Variants in RNF157 observed in about 807,000 individuals in gnomAD.
RNF157 encodes the protein ring finger protein 157, also known as E3 ubiquitin ligase RNF157.
RNF157 carries 55 observed loss-of-function variants against 88.3 expected under a neutral mutation model. The observed-to-expected ratio is 0.62, with a 90% confidence interval of 0.50 to 0.78. The LOEUF (loss-of-function observed/expected upper bound fraction) is 0.78, where lower values mean the gene tolerates loss of function less well. Ranked by LOEUF, RNF157 falls within the 30% of genes least tolerant of loss-of-function variation. The pLI is 0.00. For missense variants in RNF157, 788 were observed against 860.8 expected (o/e 0.92, Z 1.06); for synonymous variants, 334 against 341.2 (o/e 0.98, Z 0.23).
intron 2 of RNF157, among the ~76,000 whole-genome samples, chr17:76,199,497 T>G (rs1423114090): frequency 1.4e-5 from 2 of 143,256 alleles, no homozygotes; most frequent in African/African-American, 5.3e-5. Context: ...CAAGTGATCC[T>G]CCCACTTTGG....
At chr17:76,234,365 TTTC>T (rs1218059821) in intron 1 of RNF157, among the ~76,000 whole-genome samples, 1 of 152,184 alleles carries the variant, frequency 6.6e-6, no homozygotes, top group Non-Finnish European at 1.5e-5. Context: ...GTGAATGTAT[TTTC>T]TTCATTTTTC....
chr17:76,228,097 G>A (rs1373766153), intron 1 of RNF157, among the ~76,000 whole-genome samples: 3 of 151,708 alleles, frequency 2.0e-5, no homozygotes, highest in Non-Finnish European at 4.4e-5. Context: ...TTTCTAAAAA[G>A]AAATAAAAAA....
At chr17:76,205,723 CTAAATAAA>C (rs35839727) in intron 2 of RNF157, among the ~76,000 whole-genome samples, 12,141 of 146,758 alleles carry the variant, frequency 0.083, 1,060 homozygotes, top group African/African-American at 0.22. Flanking sequence ...GACTCCATCT[CTAAATAAA>C]TAAATAAATA....
intron 2 of RNF157, among the ~76,000 whole-genome samples, chr17:76,204,595 A>C (rs1451908682): frequency 6.6e-6 from 1 of 152,184 alleles, no homozygotes. Context: ...AAGCTCTATA[A>C]GTGCAAAACT....
intron 6 of RNF157, 85 bp downstream of exon 6, chr17:76,166,376 T>C: frequency 2.7e-6 from 3 of 1,106,820 alleles, no homozygotes; most frequent in Non-Finnish European, 2.8e-6. Flanking sequence ...AAAGAAGGCA[T>C]GTTGTTCTGG....
In RNF157 at chr17:76,203,612, C is replaced by G. The variant is rs370047752; in HGVS notation, c.207+8752G>C. Among the ~76,000 whole-genome samples, 33 of 150,982 alleles carry G rather than the reference C, an allele frequency of 2.2e-4. No homozygotes were observed. In the East Asian group the frequency reaches 6.1e-3, roughly 28 times the overall value. Reference sequence around the variant, plus strand: ...GGATTACGGGAACCCGCCATCATGCCTGGCTAATTTTTGTATTTTTGTAGA... The same window carrying G: ...GGATTACGGGAACCCGCCATCATGCGTGGCTAATTTTTGTATTTTTGTAGA... On this transcript the variant is annotated intron_variant, in intron 2 of 18. Transcript: ENST00000269391.
At chr17:76,177,709 A>G (rs1598406937) in intron 2 of RNF157, among the ~76,000 whole-genome samples, 1 of 152,004 alleles carries the variant, frequency 6.6e-6, no homozygotes, top group Non-Finnish European at 1.5e-5. Context: ...GAGGCCCATA[A>G]AAGGCCCAGG....
At chr17:76,147,383 G>GCAGCAC in intron 18 of RNF157, 1 of 982,430 alleles carries the variant, frequency 1.0e-6, no homozygotes, top group Non-Finnish European at 1.2e-6. Flanking sequence ...AATAAAAACA[G>GCAGCAC]CAGCACCACC....
chr17:76,143,748 G>C lies in RNF157; in HGVS notation c.*1487C>G, dbSNP rs1416265637. 1.3e-5 allele frequency: 2 copies of C among 151,984 alleles called. No homozygotes were observed. The highest frequency in any genetic ancestry group is 2.9e-5 in the Non-Finnish European group (2 of 68,028). The allele number at this position is 151,984 out of a possible 1,614,324, so 9.4% of individuals were successfully genotyped here. A position where few individuals can be genotyped will look rare whatever the true frequency, so the allele number is the denominator to read the frequency against. The stretch of plus-strand genomic sequence containing the variant: ...CCAGGCTCTTTTTGAGGCTGCCTTG[G>C]AAACAGCCTTGAATTTTTTTTTTTT... On this transcript the variant is annotated 3_prime_UTR_variant, in exon 19 of 19. Coordinates refer to ENST00000269391, the MANE Select transcript of RNF157 (RefSeq NM_052916.3).
intron 1 of RNF157, among the ~76,000 whole-genome samples, chr17:76,213,610 G>GTCTTT (rs533895325): frequency 5.3e-5 from 8 of 150,590 alleles, no homozygotes; most frequent in Non-Finnish European, 1.0e-4. Context: ...CCAAAGTGAT[G>GTCTTT]TCTTTTTTTT....
At chr17:76,215,333 G>A (rs2069869528) in intron 1 of RNF157, among the ~76,000 whole-genome samples, 1 of 151,650 alleles carries the variant, frequency 6.6e-6, no homozygotes, top group Admixed American at 6.6e-5. Context: ...AAATTAGTTG[G>A]GCATGGTAGC....
intron 1 of RNF157, among the ~76,000 whole-genome samples, chr17:76,234,165 G>A (rs917944339): frequency 3.9e-5 from 6 of 152,094 alleles, no homozygotes; most frequent in African/African-American, 1.4e-4. Flanking sequence ...ATTTCACTGA[G>A]TATAACATTT....
chr17:76,158,511 T>C lies in RNF157; in HGVS notation c.1305-10A>G, dbSNP rs1472197994. The C allele has an allele frequency of 1.3e-6, 2 of 1,591,220 alleles. No homozygotes were observed. The highest frequency in any genetic ancestry group is 2.2e-5 in the East Asian group (1 of 44,590). On this transcript the variant is annotated splice_polypyrimidine_tract_variant and intron_variant, in intron 12 of 18. Coordinates refer to ENST00000269391, the MANE Select transcript of RNF157 (RefSeq NM_052916.3). ...GTTTTGGGAAGTGGATCTGTAGGAG[T>C]CCAGTGGAAAAGCAGCTATATCCAA...
chr17:76,156,150 A>G, intron 14 of RNF157, 60 bp downstream of exon 14: 1 of 1,313,202 alleles, frequency 7.6e-7, no homozygotes, highest in Non-Finnish European at 1.1e-6. Context: ...AAGAAGCACC[A>G]GGACACTGTG....
intron 18 of RNF157, among the ~76,000 whole-genome samples, chr17:76,151,100 G>A (rs1236916505): frequency 6.6e-6 from 1 of 152,204 alleles, no homozygotes; most frequent in East Asian, 1.9e-4. Flanking sequence ...TAACTGGCAG[G>A]AGGCTGGCCC....
chr17:76,174,012 T>A (rs1166981981), intron 2 of RNF157, among the ~76,000 whole-genome samples: 4 of 152,044 alleles, frequency 2.6e-5, no homozygotes, highest in Non-Finnish European at 4.4e-5. Context: ...GAGCCAGATT[T>A]ATCTTCTTTT....
intron 2 of RNF157, among the ~76,000 whole-genome samples, chr17:76,196,773 C>A (rs921606372): frequency 6.6e-6 from 1 of 152,122 alleles, no homozygotes; most frequent in Non-Finnish European, 1.5e-5. Flanking sequence ...CTTCCTGATT[C>A]CCTATCTCAC....
At chr17:76,200,078 A>G (rs1041776743) in intron 2 of RNF157, among the ~76,000 whole-genome samples, 1 of 151,982 alleles carries the variant, frequency 6.6e-6, no homozygotes, top group Non-Finnish European at 1.5e-5. Context: ...TCTATTAAAA[A>G]TACAAAAAAA....
intron 3 of RNF157, among the ~76,000 whole-genome samples, chr17:76,168,655 G>A (rs1213681984): frequency 6.6e-6 from 1 of 151,962 alleles, no homozygotes; most frequent in African/African-American, 2.4e-5. Flanking sequence ...CCAACATCCT[G>A]GTGGGTCCCT....
Sources: gnomAD v4.1 joint callset for allele counts (sites outside exome capture counted in the v4.1 genomes callset) on GRCh38, gnomAD v4.1.1 for gene constraint, MANE v1.5 for transcripts, NCBI Gene and HGNC (gene_info 2026-07-23, HGNC 2026-07-21) for gene names.